The following AKR1C3 variants were observed in gnomAD, a reference collection of about 807,000 sequenced individuals.
AKR1C3 encodes the protein aldo-keto reductase family 1 member C3, also known as 3-alpha hydroxysteroid dehydrogenase, type II.
In AKR1C3, 48 loss-of-function variants were observed where a neutral mutation model predicts 43.6. The observed-to-expected ratio is 1.10, with a 90% confidence interval of 0.87 to 1.40. The LOEUF (loss-of-function observed/expected upper bound fraction) is 1.40. Ranked by LOEUF, AKR1C3 falls within the 40% of genes most tolerant of loss-of-function variation. AKR1C3 has a pLI of 0.00. For missense variants in AKR1C3, 482 were observed against 391.2 expected, an observed-to-expected ratio of 1.23 and a Z score of -1.96; for synonymous variants, 162 against 139.6, an observed-to-expected ratio of 1.16 and a Z score of -1.13.
At chr10:5,091,424 T>C (rs1402275326), upstream of AKR1C3, among the ~76,000 whole-genome samples, 1 of 152,176 alleles carries the variant, frequency 6.6e-6, no homozygotes, top group Non-Finnish European at 1.5e-5. Context: ...TTTCAGAACA[T>C]ATCTCTAATG....
chr10:5,080,172 T>C (rs1467387054), intron 1 of AKR1C3, among the ~76,000 whole-genome samples: 8 of 51,458 alleles, frequency 1.6e-4, no homozygotes, highest in African/African-American at 1.1e-3. Context: ...GGTTAAGATG[T>C]GGAGTAAGAA....
At chr10:5,067,020 A>C (rs1467462983) in intron 1 of AKR1C3, among the ~76,000 whole-genome samples, 14 of 151,556 alleles carry the variant, frequency 9.2e-5, no homozygotes, top group African/African-American at 3.4e-4. Flanking sequence ...ATGTGGATTA[A>C]GAGGAGTGAA....
At chr10:5,062,047 C>A (rs1219766337) in intron 1 of AKR1C3, among the ~76,000 whole-genome samples, 1 of 152,202 alleles carries the variant, frequency 6.6e-6, no homozygotes, top group Non-Finnish European at 1.5e-5. Context: ...ACATGTAATT[C>A]TTTCACATAG....
chr10:5,053,193 G>T lies in AKR1C3; in HGVS notation c.84+4298G>T, dbSNP rs532775958. Reference sequence around the variant, plus strand: ...TGATGGGACTGGGTGCCGTGGAGCAGGGGGCAGCGCTCGTCAGGGAGGCTC... The same window carrying T: ...TGATGGGACTGGGTGCCGTGGAGCATGGGGCAGCGCTCGTCAGGGAGGCTC... On this transcript the variant is annotated intron_variant, in intron 1 of 8. Transcript: ENST00000439082. Among the ~76,000 whole-genome samples the T allele has an allele frequency of 5.2e-3, 786 of 152,354 alleles. 6 individuals carry two copies. The highest frequency in any genetic ancestry group is 0.018 in the African/African-American group (739 of 41,588).
rs782531890 is a variant in AKR1C3 at position 5,095,872 on chromosome 10, TCAC to T, written c.85-537_85-535del. On this transcript the variant is annotated intron_variant, in intron 1 of 8. Coordinates refer to ENST00000380554, the MANE Select transcript of AKR1C3 (RefSeq NM_003739.6). ...CAGAAAAGACTTAATAGACTACTATTCACAGATGCTTTATTTCCCAAGTGAACC... is the reference window on the plus strand; with the variant it reads ...CAGAAAAGACTTAATAGACTACTATTAGATGCTTTATTTCCCAAGTGAACC... Among the ~76,000 whole-genome samples the T allele has an allele frequency of 9.8e-3, 1,490 of 152,228 alleles. 23 individuals carry two copies. The highest frequency in any genetic ancestry group is 0.034 in the African/African-American group (1,418 of 41,542).
rs563682028 is a variant in AKR1C3 at position 5,051,930 on chromosome 10, C to T, written c.84+3035C>T. On this transcript the variant is annotated intron_variant, in intron 1 of 8. Coordinates refer to the AKR1C3 transcript ENST00000439082. ...TATTGTATGTTTTCTTTCTTTCTGA[C>T]TCATTAGCTCAAAAAGGATGATTTG... Among the ~76,000 whole-genome samples, 37 of 152,310 alleles carry T rather than the reference C, an allele frequency of 2.4e-4. No individual in the cohort carries two copies. The South Asian group carries it at 7.3e-3, about 30-fold the overall frequency.
intron 1 of AKR1C3, among the ~76,000 whole-genome samples, chr10:5,066,665 C>T (rs1460958049): frequency 5.3e-5 from 8 of 152,158 alleles, no homozygotes; most frequent in African/African-American, 1.7e-4. Context: ...AAAATAGAAT[C>T]GATTAAAGAA....
chr10:5,085,362 A>G (rs1434637199), intron 1 of AKR1C3, among the ~76,000 whole-genome samples: 4 of 151,962 alleles, frequency 2.6e-5, no homozygotes, highest in Non-Finnish European at 4.4e-5. Flanking sequence ...GGTTCTGTTT[A>G]TATGCTGGAT....
intron 1 of AKR1C3, among the ~76,000 whole-genome samples, chr10:5,065,696 C>T (rs1838487220): frequency 2.0e-5 from 3 of 152,096 alleles, no homozygotes; most frequent in African/African-American, 7.2e-5. Context: ...GCTGTATGCC[C>T]TATGTAAATG....
intron 7 of AKR1C3, among the ~76,000 whole-genome samples, chr10:5,104,778 T>TGGAGA: frequency 6.6e-6 from 1 of 152,136 alleles, no homozygotes; most frequent in South Asian, 2.1e-4. Context: ...CATTAAACCA[T>TGGAGA]ATGTATTTTT....
At chr10:5,092,609 T>C (rs1328379201), upstream of AKR1C3, among the ~76,000 whole-genome samples, 2 of 151,998 alleles carry the variant, frequency 1.3e-5, no homozygotes, top group Non-Finnish European at 2.9e-5. Flanking sequence ...TTCAGTTATA[T>C]CGTTCAGCTC....
At chr10:5,060,549 G>T (rs528402366) in intron 1 of AKR1C3, among the ~76,000 whole-genome samples, 10 of 152,310 alleles carry the variant, frequency 6.6e-5, no homozygotes, top group African/African-American at 2.4e-4. Flanking sequence ...AGTGCCAATT[G>T]GTGTATTTAC....
chr10:5,058,578 C>A (rs1285869440), intron 1 of AKR1C3, among the ~76,000 whole-genome samples: 2 of 152,154 alleles, frequency 1.3e-5, no homozygotes, highest in African/African-American at 2.4e-5. Context: ...TGCCCAAGAA[C>A]CCACAACAGT....
chr10:5,084,429 G>T (rs1838914577), intron 1 of AKR1C3, among the ~76,000 whole-genome samples: 1 of 151,102 alleles, frequency 6.6e-6, no homozygotes, highest in South Asian at 2.1e-4. Flanking sequence ...CTGTTCCATT[G>T]GTCTATATCT....
chr10:5,084,623 G>T (rs1490834601), intron 1 of AKR1C3, among the ~76,000 whole-genome samples: 1 of 152,058 alleles, frequency 6.6e-6, no homozygotes, highest in African/African-American at 2.4e-5. Flanking sequence ...GAAAGTAATT[G>T]GTAGCTTGAT....
chr10:5,095,543 T>C (rs1323224509), intron 1 of AKR1C3, among the ~76,000 whole-genome samples: 1 of 151,832 alleles, frequency 6.6e-6, no homozygotes, highest in Non-Finnish European at 1.5e-5. Flanking sequence ...TAGTTCCTTG[T>C]AATTTCAACG....
chr10:5,092,566 A>C (rs1272560035), upstream of AKR1C3, among the ~76,000 whole-genome samples: 1 of 151,008 alleles, frequency 6.6e-6, no homozygotes, highest in Admixed American at 6.6e-5. Context: ...TTCTGCTCAA[A>C]TTGCTGTTGA....
intron 1 of AKR1C3, among the ~76,000 whole-genome samples, chr10:5,055,122 C>G (rs1414727407): frequency 6.6e-6 from 1 of 152,210 alleles, no homozygotes; most frequent in African/African-American, 2.4e-5. Flanking sequence ...TAACTGGGCA[C>G]TGGTCCCTGG....
At chr10:5,064,053 TC>T (rs1554780556) in intron 1 of AKR1C3, among the ~76,000 whole-genome samples, 1 of 152,238 alleles carries the variant, frequency 6.6e-6, no homozygotes. Flanking sequence ...TCTTTGCTCA[TC>T]CATAAAAGTA....
Sources: allele counts gnomAD v4.1 joint callset (sites outside exome capture counted in the v4.1 genomes callset), GRCh38; gene constraint gnomAD v4.1.1; transcripts MANE v1.5; gene names NCBI Gene and HGNC (gene_info 2026-07-23, HGNC 2026-07-21).